TNKS: variants seen among roughly 807,000 people sequenced by gnomAD.
TNKS encodes the protein poly [ADP-ribose] polymerase tankyrase-1.
In TNKS, 72 loss-of-function variants were observed where a neutral mutation model predicts 135.8. That is an observed-to-expected ratio of 0.53 (90% CI 0.44 to 0.64). The LOEUF is 0.64. Ranked by LOEUF, TNKS falls within the 30% of genes least tolerant of loss-of-function variation. TNKS has a pLI of 0.00. For missense variants in TNKS, 1,769 were observed against 1,674.0 expected (o/e 1.06, Z -0.99); for synonymous variants, 849 against 649.3 (o/e 1.31, Z -4.68).
chr8:9,560,147 A>G (rs1183937478), intron 1 of TNKS, among the ~76,000 whole-genome samples: 3 of 152,186 alleles, frequency 2.0e-5, no homozygotes, highest in Non-Finnish European at 4.4e-5. Context: ...GATGGTTTCT[A>G]GTAGTGACAT....
chr8:9,599,951 C>G (rs1486587028), intron 2 of TNKS, among the ~76,000 whole-genome samples: 1 of 152,128 alleles, frequency 6.6e-6, no homozygotes, highest in Non-Finnish European at 1.5e-5. Context: ...ATATAGAAGA[C>G]CTCTCCCATG....
In TNKS at chr8:9,660,780, A is replaced by C. The variant is rs554165109; in HGVS notation, c.995-19171A>C. Among the ~76,000 whole-genome samples, 22 of 152,282 alleles carry C rather than the reference A, an allele frequency of 1.4e-4. No individual in the cohort carries two copies. In the South Asian group the frequency reaches 4.6e-3, roughly 32 times the overall value. ...GGAAATAAAGGGCATTCAGTTAGGAAAAGAGGAAGTCAGATTGTCCCTGTT... is the reference window on the plus strand; with the variant it reads ...GGAAATAAAGGGCATTCAGTTAGGACAAGAGGAAGTCAGATTGTCCCTGTT... On this transcript the variant is annotated intron_variant, in intron 3 of 26. Coordinates refer to ENST00000310430, the MANE Select transcript of TNKS (RefSeq NM_003747.3).
intron 20 of TNKS, among the ~76,000 whole-genome samples, chr8:9,755,597 T>C (rs1231848462): frequency 6.6e-6 from 1 of 152,216 alleles, no homozygotes. Context: ...ACCCTTAGCA[T>C]TTTCTCCCAT....
Position 9,618,504 on chromosome 8 carries a change from G to C in TNKS, c.994+2827G>C, listed in dbSNP as rs1799737014. Among the ~76,000 whole-genome samples, 2 of 152,120 alleles carry C rather than the reference G, an allele frequency of 1.3e-5. 1 individual carries two copies. Among genetic ancestry groups the C allele is most frequent in the Non-Finnish European group, 2.9e-5 (2 of 68,024 alleles). On this transcript the variant is annotated intron_variant, in intron 3 of 26. Transcript: ENST00000310430. ...GAAGAAATCTTGAGGGCTTTCTTTT[G>C]TTTTTCTGCTAATGACTGAAGTTCT...
intron 3 of TNKS, among the ~76,000 whole-genome samples, chr8:9,630,611 TA>T (rs1354630394): frequency 6.6e-6 from 1 of 152,230 alleles, no homozygotes; most frequent in Non-Finnish European, 1.5e-5. Flanking sequence ...TTCTTATTTA[TA>T]AATTCATGCT....
At chr8:9,710,600 C>G (rs1804277865) in intron 11 of TNKS, among the ~76,000 whole-genome samples, 1 of 152,094 alleles carries the variant, frequency 6.6e-6, no homozygotes, top group Non-Finnish European at 1.5e-5. Context: ...TCTACTTATT[C>G]TAAAAAACAT....
intron 24 of TNKS, 105 bp downstream of exon 24, chr8:9,765,902 C>T (rs559271178): frequency 4.9e-5 from 46 of 932,376 alleles, no homozygotes; most frequent in African/African-American, 8.3e-5. Flanking sequence ...GTGTTAAAAA[C>T]GGCTTGTTTT....
intron 17 of TNKS, among the ~76,000 whole-genome samples, chr8:9,740,635 T>A (rs971375055): frequency 1.3e-5 from 2 of 152,142 alleles, no homozygotes; most frequent in Non-Finnish European, 2.9e-5. Flanking sequence ...ACTGAAATCC[T>A]CTTGAAACTA....
chr8:9,707,596 GAATATATTACC>G (rs1222788713), intron 8 of TNKS, among the ~76,000 whole-genome samples: 2 of 152,106 alleles, frequency 1.3e-5, no homozygotes, highest in Non-Finnish European at 2.9e-5. Flanking sequence ...GTCATCTTCT[GAATATATTACC>G]AATATATACA....
intron 2 of TNKS, among the ~76,000 whole-genome samples, chr8:9,607,766 C>T (rs1474972975): frequency 1.3e-5 from 2 of 152,096 alleles, no homozygotes; most frequent in East Asian, 1.9e-4. Flanking sequence ...CTTTCTAATT[C>T]TTCACAGAGA....
At chr8:9,713,678 G>T (rs1585364074) in intron 11 of TNKS, among the ~76,000 whole-genome samples, 1 of 152,254 alleles carries the variant, frequency 6.6e-6, no homozygotes, top group East Asian at 1.9e-4. Flanking sequence ...TCAGAGTTAT[G>T]AACCCATAGA....
At chr8:9,587,485 G>A (rs1361819534) in intron 2 of TNKS, among the ~76,000 whole-genome samples, 4 of 150,866 alleles carry the variant, frequency 2.7e-5, no homozygotes, top group Non-Finnish European at 5.9e-5. Context: ...CTGTAAGCTC[G>A]GCCTCCTGGG....
chr8:9,699,871 C>A (rs1310264820), intron 5 of TNKS, among the ~76,000 whole-genome samples: 2 of 152,188 alleles, frequency 1.3e-5, no homozygotes, highest in African/African-American at 4.8e-5. Context: ...TCAGTGATTT[C>A]TCATTATTCT....
chr8:9,676,763 G>T (rs1329885389), intron 3 of TNKS, among the ~76,000 whole-genome samples: 1 of 150,986 alleles, frequency 6.6e-6, no homozygotes, highest in African/African-American at 2.4e-5. Context: ...TATTTTACCA[G>T]TAAAAACAAT....
intron 3 of TNKS, among the ~76,000 whole-genome samples, chr8:9,660,984 T>C (rs1267112270): frequency 6.8e-6 from 1 of 147,620 alleles, no homozygotes; most frequent in African/African-American, 2.5e-5. Flanking sequence ...CCATTCACAG[T>C]TGCTTCAAAA....
chr8:9,648,810 C>G (rs1057444916), intron 3 of TNKS, among the ~76,000 whole-genome samples: 4 of 152,082 alleles, frequency 2.6e-5, no homozygotes, highest in Non-Finnish European at 4.4e-5. Flanking sequence ...CTTTCCCATT[C>G]TTAGAGTCAC....
intron 3 of TNKS, among the ~76,000 whole-genome samples, chr8:9,655,163 A>G (rs1461378985): frequency 6.6e-6 from 1 of 152,196 alleles, no homozygotes; most frequent in Non-Finnish European, 1.5e-5. Flanking sequence ...GCAGTCTGAG[A>G]TCAAACTGCA....
intron 3 of TNKS, among the ~76,000 whole-genome samples, chr8:9,668,356 A>G (rs1802101298): frequency 6.6e-6 from 1 of 152,194 alleles, no homozygotes; most frequent in Non-Finnish European, 1.5e-5. Context: ...TAGGGAGAAA[A>G]TACATTGCAC....
At chr8:9,594,315 C>T (rs1040022321) in intron 2 of TNKS, among the ~76,000 whole-genome samples, 20 of 152,212 alleles carry the variant, frequency 1.3e-4, no homozygotes, top group African/African-American at 4.3e-4. Context: ...ATAACTCTCA[C>T]ACCTTGTTTT....
Sources: gnomAD v4.1 joint callset for allele counts (sites outside exome capture counted in the v4.1 genomes callset) on GRCh38, gnomAD v4.1.1 for gene constraint, MANE v1.5 for transcripts, NCBI Gene and HGNC (gene_info 2026-07-23, HGNC 2026-07-21) for gene names.